The following LRMDA variants were observed in gnomAD, a reference collection of about 807,000 sequenced individuals.
The protein encoded by LRMDA is leucine-rich melanocyte differentiation-associated protein.
In LRMDA, 18 loss-of-function variants were observed where a neutral mutation model predicts 29.8. That is an observed-to-expected ratio of 0.60 (90% confidence interval 0.42 to 0.90). The LOEUF (loss-of-function observed/expected upper bound fraction) is 0.90, where lower values mean the gene tolerates loss of function less well. Ranked by LOEUF, LRMDA falls within the 40% of genes least tolerant of loss-of-function variation. LRMDA has a pLI of 0.00. For synonymous variants in LRMDA, 125 were observed against 109.4 expected (o/e 1.14, Z -0.89); for missense variants, 273 against 273.9 (o/e 1.00, Z 0.02).
At position 76,052,866 on chromosome 10, in the gene LRMDA, C is replaced by T. The variant is rs191479511; in HGVS notation, c.398+5563C>T. 1.1e-4 allele frequency among the ~76,000 whole-genome samples: 17 copies of T among 152,282 alleles called. No homozygotes were observed. The East Asian group carries it at 2.7e-3, about 24-fold the overall frequency. ...CACCCCCAGCCTTGGGGGCTTTCCC[C>T]TAGCCACCTTGAGAAGGTCAGGAAA... On this transcript the variant is annotated intron_variant, in intron 4 of 6. Coordinates refer to ENST00000611255, the MANE Select transcript of LRMDA (RefSeq NM_001305581.2).
intron 2 of LRMDA, among the ~76,000 whole-genome samples, chr10:75,835,320 GT>G (rs1398600428): frequency 6.6e-6 from 1 of 152,122 alleles, no homozygotes; most frequent in Non-Finnish European, 1.5e-5. Context: ...TCAGTTTACT[GT>G]TTTCATTACT....
At chr10:76,044,147 C>T (rs1243908264) in intron 3 of LRMDA, among the ~76,000 whole-genome samples, 1 of 152,318 alleles carries the variant, frequency 6.6e-6, no homozygotes, top group African/African-American at 2.4e-5. Flanking sequence ...GGTTTTAAGA[C>T]AGCCTGATCC....
intron 2 of LRMDA, among the ~76,000 whole-genome samples, chr10:75,712,898 TG>T (rs1343379087): frequency 6.6e-6 from 1 of 152,012 alleles, no homozygotes; most frequent in African/African-American, 2.4e-5. Context: ...CTGCAGAATA[TG>T]GTTCCTTCCC....
intron 5 of LRMDA, among the ~76,000 whole-genome samples, chr10:76,207,139 TAATG>T (rs1183216686): frequency 6.6e-6 from 1 of 151,726 alleles, no homozygotes. Flanking sequence ...ACAACAGGGG[TAATG>T]AATCAGCCGG....
In LRMDA at chr10:76,363,198, G is replaced by GA. The variant is rs1841342195; in HGVS notation, c.601+38714dup. Among the ~76,000 whole-genome samples, 4 of 20,956 alleles carry GA rather than the reference G, an allele frequency of 1.9e-4. 1 individual carries two copies. In the South Asian group the frequency reaches 6.6e-3, roughly 35 times the overall value. 13.7% of individuals were successfully genotyped at this position (20,956 alleles called of 152,430 possible). The stretch of plus-strand genomic sequence containing the variant: ...GAAAGGAGGGAGGGAGGGAGGGAGG[G>GA]AGGGAGGGAGGGAAGGAAGAGAAAG... On this transcript the variant is annotated intron_variant, in intron 6 of 6. Transcript: ENST00000611255.
intron 5 of LRMDA, among the ~76,000 whole-genome samples, chr10:76,309,347 G>GT (rs1840600997): frequency 6.6e-6 from 1 of 152,070 alleles, no homozygotes; most frequent in African/African-American, 2.4e-5. Flanking sequence ...TCTGTGGGTG[G>GT]TGGAGGTAAT....
intron 5 of LRMDA, among the ~76,000 whole-genome samples, chr10:76,083,583 C>T (rs10824360): frequency 0.36 from 54,144 of 152,018 alleles, 11,256 homozygotes; most frequent in Non-Finnish European, 0.46. Context: ...AATTCCAGCA[C>T]TTTGGGAGGC....
At chr10:75,716,975 A>C (rs1842508499) in intron 2 of LRMDA, among the ~76,000 whole-genome samples, 2 of 152,188 alleles carry the variant, frequency 1.3e-5, no homozygotes, top group African/African-American at 4.8e-5. Context: ...ACTCAGAGTC[A>C]CTTTTTCTTT....
At chr10:76,522,915 A>G (rs1263503814) in intron 6 of LRMDA, among the ~76,000 whole-genome samples, 3 of 152,086 alleles carry the variant, frequency 2.0e-5, no homozygotes, top group Non-Finnish European at 4.4e-5. Flanking sequence ...CTCATCCCCA[A>G]GGCCTCTTCT....
At chr10:75,920,850 C>T (rs1349030819) in intron 2 of LRMDA, among the ~76,000 whole-genome samples, 2 of 152,184 alleles carry the variant, frequency 1.3e-5, no homozygotes, top group African/African-American at 2.4e-5. Flanking sequence ...TGCATAGCTT[C>T]GCGCAGTTGC....
chr10:75,760,026 C>T (rs1843077068), intron 2 of LRMDA, among the ~76,000 whole-genome samples: 1 of 152,162 alleles, frequency 6.6e-6, no homozygotes, highest in Non-Finnish European at 1.5e-5. Context: ...TCAGTCACCG[C>T]TTTCATTAAA....
chr10:75,987,248 A>G (rs1302538997), intron 2 of LRMDA, among the ~76,000 whole-genome samples: 1 of 152,212 alleles, frequency 6.6e-6, no homozygotes, highest in African/African-American at 2.4e-5. Flanking sequence ...AGTTGTATAA[A>G]ATTCCCTTTA....
chr10:75,659,553 A>G (rs1165518062), intron 2 of LRMDA, among the ~76,000 whole-genome samples: 1 of 152,236 alleles, frequency 6.6e-6, no homozygotes, highest in Non-Finnish European at 1.5e-5. Context: ...ACACTGAAAG[A>G]CTGTATTATC....
At chr10:76,051,096 C>T (rs901158500) in intron 4 of LRMDA, among the ~76,000 whole-genome samples, 6 of 152,242 alleles carry the variant, frequency 3.9e-5, no homozygotes, top group Admixed American at 2.0e-4. Context: ...CCAGTGTCTG[C>T]AGCACTCAGC....
At chr10:75,821,636 G>A (rs1459388595) in intron 2 of LRMDA, among the ~76,000 whole-genome samples, 1 of 152,206 alleles carries the variant, frequency 6.6e-6, no homozygotes, top group East Asian at 1.9e-4. Flanking sequence ...GGACGTGGTG[G>A]TGGGTGCCTG....
In LRMDA at chr10:76,358,932, G is replaced by T. The variant is rs16933437; in HGVS notation, c.601+34447G>T. ...TTGGTTTTGAGCCCAGATGTTTGGC[G>T]TCCCGCTGGAACTGTGTGCTCTGCC... On this transcript the variant is annotated intron_variant, in intron 6 of 6. Transcript: ENST00000611255. 3.7e-3 allele frequency among the ~76,000 whole-genome samples: 556 copies of T among 152,162 alleles called. 8 individuals are homozygous for T. The highest frequency in any genetic ancestry group is 0.022 in the Admixed American group (338 of 15,292).
chr10:76,195,704 A>G (rs1589371725), intron 5 of LRMDA, among the ~76,000 whole-genome samples: 1 of 152,224 alleles, frequency 6.6e-6, no homozygotes, highest in South Asian at 2.1e-4. Flanking sequence ...ATGTGAGAGC[A>G]GCCGACATAT....
rs115333809 is a variant in LRMDA at position 75,595,387 on chromosome 10, T to C, written c.131+156893T>C. Reference sequence around the variant, plus strand: ...TTGGATAATCCTAATCTCATCTAAATTTTAGAGTTCAGTTGGGTTTATAGA... The same window carrying C: ...TTGGATAATCCTAATCTCATCTAAACTTTAGAGTTCAGTTGGGTTTATAGA... On this transcript the variant is annotated intron_variant, in intron 2 of 6. Transcript: ENST00000611255. Among the ~76,000 whole-genome samples the C allele has an allele frequency of 3.5e-3, 539 of 152,254 alleles. 2 individuals are homozygous for C. Among genetic ancestry groups the C allele is most frequent in the African/African-American group, 0.012 (514 of 41,574 alleles).
chr10:76,326,752 T>C (rs1207739653), intron 6 of LRMDA, among the ~76,000 whole-genome samples: 2 of 152,196 alleles, frequency 1.3e-5, no homozygotes, highest in African/African-American at 2.4e-5. Flanking sequence ...CTATGATAGG[T>C]CCAAGATTCA....
Sources: allele counts gnomAD v4.1 joint callset (sites outside exome capture counted in the v4.1 genomes callset), GRCh38; gene constraint gnomAD v4.1.1; transcripts MANE v1.5; gene names NCBI Gene and HGNC (gene_info 2026-07-23, HGNC 2026-07-21).